Variants in GALNT3 observed in about 807,000 individuals in gnomAD.
The protein encoded by GALNT3 is polypeptide N-acetylgalactosaminyltransferase 3.
In GALNT3, 51 loss-of-function variants were observed where a neutral mutation model predicts 69.8. The ratio of observed to expected loss-of-function variants is 0.73; its 90% confidence interval spans 0.58 to 0.92. The LOEUF (loss-of-function observed/expected upper bound fraction) is 0.92, where lower values mean the gene tolerates loss of function less well. Ranked by LOEUF, GALNT3 falls within the 40% of genes least tolerant of loss-of-function variation. GALNT3 has a pLI of 0.00. For synonymous variants in GALNT3, 265 were observed against 248.5 expected (o/e 1.07, Z -0.63); for missense variants, 711 against 760.0 (o/e 0.94, Z 0.76).
intron 6 of GALNT3, among the ~76,000 whole-genome samples, chr2:165,758,451 C>A (rs533649441): frequency 6.6e-6 from 1 of 152,118 alleles, no homozygotes; most frequent in Admixed American, 6.6e-5. Flanking sequence ...TCCTGAAGCA[C>A]TAGATTTAAT....
chr2:165,783,031 C>A (rs1189914753), intron 1 of GALNT3, among the ~76,000 whole-genome samples: 2 of 152,122 alleles, frequency 1.3e-5, no homozygotes, highest in African/African-American at 4.8e-5. Flanking sequence ...TTTTCTGATA[C>A]CTCTATGGCC....
At chr2:165,765,190 C>A in intron 2 of GALNT3, 134 bp from the exon 3 acceptor site, 1 of 789,234 alleles carries the variant, frequency 1.3e-6, no homozygotes, top group Non-Finnish European at 2.1e-6. Context: ...GTGATATAAT[C>A]TCAATGCTAT....
intron 4 of GALNT3, among the ~76,000 whole-genome samples, chr2:165,761,454 C>T (rs1167328200): frequency 6.6e-6 from 1 of 152,132 alleles, no homozygotes; most frequent in Non-Finnish European, 1.5e-5. Context: ...TCAAATGATT[C>T]ACCAACGCCG....
intron 9 of GALNT3, among the ~76,000 whole-genome samples, chr2:165,753,742 T>C (rs1214420841): frequency 6.6e-6 from 1 of 152,178 alleles, no homozygotes; most frequent in Non-Finnish European, 1.5e-5. Flanking sequence ...AAGTAAATAG[T>C]AATATTTGAC....
Position 165,749,868 on chromosome 2 carries a change from T to C in GALNT3, c.1653A>G (p.Glu551=), listed in dbSNP as rs1334662837. Residue 551 remains glutamate, a synonymous_variant, in exon 10 of 11, where the codon GAA becomes GAG. Transcript: ENST00000392701. The part of the protein sequence containing the change: ...NQYFEYSAQH[E]IRHNIQKELC... ...ATTCCTTCTGGATGTTGTGCCGAAT[T>C]TCATGTTGAGCAGAGTATTCAAAGT... 3.7e-6 allele frequency: 6 copies of C among 1,613,510 alleles called. No homozygotes were observed. The Admixed American group carries it at 1.0e-4, about 27-fold the overall frequency.
chr2:165,784,869 A>C (rs1559007562), intron 1 of GALNT3, among the ~76,000 whole-genome samples: 1 of 152,218 alleles, frequency 6.6e-6, no homozygotes, highest in Non-Finnish European at 1.5e-5. Flanking sequence ...ATCTGAAAAA[A>C]CAAAGGTCAT....
At chr2:165,788,577 CCT>C (rs1264502872) in intron 1 of GALNT3, among the ~76,000 whole-genome samples, 1 of 151,318 alleles carries the variant, frequency 6.6e-6, no homozygotes, top group African/African-American at 2.4e-5. Flanking sequence ...ACACAGGACA[CCT>C]CACCCTGCTC....
In GALNT3 at chr2:165,759,514, T is replaced by C; in HGVS notation, c.895A>G (p.Thr299Ala). ...PLLARIAENYTAVVSPDIASI... is the reference protein window; with the variant it reads ...PLLARIAENYAAVVSPDIASI... ...GCAATATCTGGACTTACGACAGCCG[T>C]GTAGTTCTCAGCTATTCTGGCCAAC... Residue 299 changes from threonine (T) to alanine (A), a missense_variant, in exon 5 of 11, where the codon ACG (threonine) becomes GCG (alanine). Coordinates refer to ENST00000392701, the MANE Select transcript of GALNT3 (RefSeq NM_004482.4). 3 of 1,614,016 alleles carry C rather than the reference T, an allele frequency of 1.9e-6. 1 individual carries two copies. Among genetic ancestry groups the C allele is most frequent in the East Asian group, 4.5e-5 (2 of 44,864 alleles).
At chr2:165,754,296 G>A (rs928184890) in intron 9 of GALNT3, among the ~76,000 whole-genome samples, 5 of 150,242 alleles carry the variant, frequency 3.3e-5, no homozygotes, top group African/African-American at 9.8e-5. Flanking sequence ...CACCATATTC[G>A]CCAGGCTGGC....
chr2:165,749,859 G>A lies in GALNT3; in HGVS notation c.1662C>T (p.His554=). 1.2e-6 allele frequency: 2 copies of A among 1,613,608 alleles called. No homozygotes were observed. The highest frequency in any genetic ancestry group is 1.7e-6 in the Non-Finnish European group (2 of 1,179,622). ...FEYSAQHEIR[H]NIQKELCLHA... is the part of the protein sequence containing the mutation. ...GAAGACATAATTCCTTCTGGATGTTGTGCCGAATTTCATGTTGAGCAGAGT... is the reference window on the plus strand; with the variant it reads ...GAAGACATAATTCCTTCTGGATGTTATGCCGAATTTCATGTTGAGCAGAGT... The change falls in exon 10 of 11, where the codon CAC becomes CAT. Residue 554 remains histidine (H), a synonymous_variant. Coordinates refer to ENST00000392701, the MANE Select transcript of GALNT3 (RefSeq NM_004482.4).
chr2:165,784,460 T>C (rs1046033275), intron 1 of GALNT3, among the ~76,000 whole-genome samples: 8 of 152,100 alleles, frequency 5.3e-5, no homozygotes, highest in Admixed American at 5.2e-4. Context: ...ATTTTGGAAG[T>C]AGAGTTAGCT....
chr2:165,778,821 C>A (rs971160042), intron 1 of GALNT3, among the ~76,000 whole-genome samples: 3 of 152,192 alleles, frequency 2.0e-5, no homozygotes, highest in Non-Finnish European at 4.4e-5. Context: ...TTGTCCCCTG[C>A]AGGAGTTTAG....
intron 1 of GALNT3, among the ~76,000 whole-genome samples, chr2:165,773,487 A>C (rs1688789914): frequency 6.6e-6 from 1 of 152,226 alleles, no homozygotes; most frequent in Non-Finnish European, 1.5e-5. Context: ...CAAATGAGTA[A>C]AGTGATAACA....
At chr2:165,774,884 T>C (rs951088309) in intron 1 of GALNT3, among the ~76,000 whole-genome samples, 20 of 151,814 alleles carry the variant, frequency 1.3e-4, no homozygotes, top group Admixed American at 1.1e-3. Context: ...CCCAGCAATA[T>C]TGTGAAGTAT....
intron 2 of GALNT3, among the ~76,000 whole-genome samples, chr2:165,767,329 G>C (rs1688661396): frequency 6.6e-6 from 1 of 151,664 alleles, no homozygotes; most frequent in Admixed American, 6.6e-5. Context: ...GTGAAATTCT[G>C]AGTATAAGAT....
chr2:165,749,695 GAGCTAAGA>G, intron 10 of GALNT3, 39 bp downstream of exon 10: 1 of 1,523,560 alleles, frequency 6.6e-7, no homozygotes, highest in Non-Finnish European at 9.1e-7. Flanking sequence ...TAAGCAAGTA[GAGCTAAGA>G]AAAATAGTTA....
intron 3 of GALNT3, 26 bp downstream of exon 3, chr2:165,764,858 A>C: frequency 6.2e-7 from 1 of 1,612,808 alleles, no homozygotes; most frequent in Non-Finnish European, 8.5e-7. Flanking sequence ...TTTGGGAAAC[A>C]ATCTAATTTG....
Position 165,765,450 on chromosome 2 carries a change from C to T in GALNT3, c.516-394G>A, listed in dbSNP as rs1281530504. 2.0e-5 allele frequency among the ~76,000 whole-genome samples: 3 copies of T among 151,968 alleles called. 1 individual carries two copies. The highest frequency in any genetic ancestry group is 7.2e-5 in the African/African-American group (3 of 41,380). On this transcript the variant is annotated intron_variant, in intron 2 of 10. Transcript: ENST00000392701. ...AATTTTTCTTATTTCATGCAGAAATCATTCATTTTTCATATTTGCAACTTT... is the reference window on the plus strand; with the variant it reads ...AATTTTTCTTATTTCATGCAGAAATTATTCATTTTTCATATTTGCAACTTT...
chr2:165,753,519 G>A (rs1688388883), intron 9 of GALNT3, among the ~76,000 whole-genome samples: 1 of 151,714 alleles, frequency 6.6e-6, no homozygotes, highest in Admixed American at 6.6e-5. Flanking sequence ...TTATCCTAAG[G>A]AACTGCTAGT....
Sources: gnomAD v4.1 joint callset for allele counts (sites outside exome capture counted in the v4.1 genomes callset) on GRCh38, gnomAD v4.1.1 for gene constraint, MANE v1.5 for transcripts, NCBI Gene and HGNC (gene_info 2026-07-23, HGNC 2026-07-21) for gene names.